TDRD12: variants seen among roughly 807,000 people sequenced by gnomAD.
TDRD12 encodes the protein putative ATP-dependent RNA helicase TDRD12.
Under a neutral mutation model 133.5 loss-of-function variants are expected in TDRD12, and 158 were observed. The observed-to-expected ratio is 1.18, with a 90% CI of 1.04 to 1.35. The LOEUF (loss-of-function observed/expected upper bound fraction) is 1.35. Ranked by LOEUF, TDRD12 falls within the 40% of genes most tolerant of loss-of-function variation. TDRD12 has a pLI of 0.00. For missense variants in TDRD12, 1,443 were observed against 1,321.3 expected (o/e 1.09, Z -1.43); for synonymous variants, 460 against 477.9 (o/e 0.96, Z 0.49).
chr19:32,722,219 T>A (rs1968706027), intron 1 of TDRD12, among the ~76,000 whole-genome samples: 1 of 152,202 alleles, frequency 6.6e-6, no homozygotes, highest in Non-Finnish European at 1.5e-5. Context: ...GTCCGATTTC[T>A]TCTTTAGAAG....
chr19:32,790,760 G>T, intron 12 of TDRD12, 169 bp downstream of exon 12: 1 of 1,515,970 alleles, frequency 6.6e-7, no homozygotes. Context: ...TGTTGCTTCT[G>T]AGAAATTGTT....
chr19:32,779,703 G>T (rs145234739), intron 11 of TDRD12, among the ~76,000 whole-genome samples: 16 of 152,284 alleles, frequency 1.1e-4, no homozygotes, highest in Non-Finnish European at 2.4e-4. Context: ...CGCCCAGCCC[G>T]TGGAAATATG....
At chr19:32,806,865 T>C (rs1159999756) in intron 21 of TDRD12, among the ~76,000 whole-genome samples, 1 of 152,018 alleles carries the variant, frequency 6.6e-6, no homozygotes, top group Non-Finnish European at 1.5e-5. Context: ...TTTCACCATG[T>C]TGGCCAGGCT....
chr19:32,774,319 T>A (rs558398768), intron 10 of TDRD12, among the ~76,000 whole-genome samples: 1 of 152,320 alleles, frequency 6.6e-6, no homozygotes, highest in Non-Finnish European at 1.5e-5. Context: ...AAATATCTTC[T>A]CTCTTTACCT....
Position 32,802,937 on chromosome 19 carries a change from C to T in TDRD12, c.2347C>T (p.Gln783Ter). The T allele has an allele frequency of 6.5e-7, 1 of 1,535,586 alleles. No homozygotes were observed. Among genetic ancestry groups the T allele is most frequent in the Non-Finnish European group, 8.7e-7 (1 of 1,146,628 alleles). Residue 783 changes from glutamine to a stop codon, truncating the protein, a stop_gained, in exon 21 of 28, where the codon CAG (glutamine) becomes TAG (stop). Transcript: ENST00000444215. LOFTEE classifies it high-confidence loss of function. ...CAATTTTCAGGGTTCTCCTGCAGAA[C>T]AGGGAGATAAGAAAGCCAAATCTGT...
intron 4 of TDRD12, among the ~76,000 whole-genome samples, chr19:32,743,587 G>A (rs1307531091): frequency 6.6e-6 from 1 of 151,984 alleles, no homozygotes; most frequent in Non-Finnish European, 1.5e-5. Flanking sequence ...ATTTTCTCCA[G>A]GCCCACATCT....
At chr19:32,733,338 C>T (rs1350179360) in intron 2 of TDRD12, among the ~76,000 whole-genome samples, 1 of 151,992 alleles carries the variant, frequency 6.6e-6, no homozygotes, top group Non-Finnish European at 1.5e-5. Context: ...GGCGTGGTGG[C>T]AGGCACCTGT....
Position 32,801,759 on chromosome 19 carries a change from G to T in TDRD12, c.2083G>T (p.Val695Leu). Residue 695 changes from valine to leucine, a missense_variant, in exon 19 of 28, where the codon GTA (valine) becomes TTA (leucine). By Grantham distance (32) the Val-to-Leu change is conservative. Coordinates refer to ENST00000444215, the Ensembl canonical transcript of TDRD12. ...GCCTCTTTGATTTCATCTTTAGGTA[G>T]TAGAAAGCAGTTCAATATTTTGCTT... 2.3e-6 allele frequency: 3 copies of T among 1,319,974 alleles called. No homozygotes were observed. In the South Asian group the frequency reaches 4.1e-5, roughly 18 times the overall value. The allele number at this position is 1,319,974 out of a possible 1,614,324, so 81.8% of individuals were successfully genotyped here.
chr19:32,725,249 A>G (rs1242963620), intron 1 of TDRD12, among the ~76,000 whole-genome samples: 1 of 151,382 alleles, frequency 6.6e-6, no homozygotes, highest in African/African-American at 2.4e-5. Flanking sequence ...TTTTGTTGCA[A>G]TTGCTTTTGA....
intron 11 of TDRD12, among the ~76,000 whole-genome samples, chr19:32,777,658 G>A (rs1051232691): frequency 2.0e-5 from 3 of 150,496 alleles, no homozygotes; most frequent in East Asian, 3.9e-4. Flanking sequence ...AGCAATTTTC[G>A]TTTTGAGACA....
chr19:32,824,772 C>T (rs1967530887), downstream of TDRD12, among the ~76,000 whole-genome samples: 1 of 151,740 alleles, frequency 6.6e-6, no homozygotes, highest in South Asian at 2.1e-4. Context: ...CCAGCTTGCT[C>T]TCCCTTTTAG....
chr19:32,768,401 C>G (rs201318558), intron 8 of TDRD12, among the ~76,000 whole-genome samples: 1 of 90,230 alleles, frequency 1.1e-5, no homozygotes, highest in South Asian at 3.6e-4. Flanking sequence ...TTTTTTTTTT[C>G]TTTTCAGAGA....
chr19:32,793,384 C>T (rs891053518), intron 13 of TDRD12, among the ~76,000 whole-genome samples: 1 of 152,030 alleles, frequency 6.6e-6, no homozygotes, highest in South Asian at 2.1e-4. Context: ...AGAAGTAACC[C>T]GAGAAAGATG....
At chr19:32,732,943 AAAG>A (rs1969104175) in intron 2 of TDRD12, among the ~76,000 whole-genome samples, 2 of 150,502 alleles carry the variant, frequency 1.3e-5, no homozygotes, top group Admixed American at 6.6e-5. Flanking sequence ...GAGGCCAAGG[AAAG>A]AAGATTGCTT....
intron 1 of TDRD12, among the ~76,000 whole-genome samples, chr19:32,722,390 C>T (rs906313936): frequency 6.6e-6 from 1 of 152,092 alleles, no homozygotes; most frequent in Non-Finnish European, 1.5e-5. Flanking sequence ...CTGATCTGCC[C>T]CCACTTCTGG....
At chr19:32,803,048 C>G in exon 21 of TDRD12, 3 of 1,536,134 alleles carry the variant, frequency 2.0e-6, no homozygotes, top group Non-Finnish European at 2.6e-6. Context: ...CCCCGCAGAG[C>G]TGTACGAGTT....
exon 17 of TDRD12, chr19:32,800,250 A>G: frequency 6.5e-7 from 1 of 1,535,098 alleles, no homozygotes; most frequent in Non-Finnish European, 8.7e-7. Flanking sequence ...TTGCAGTTGG[A>G]GTTCATTGGA....
At chr19:32,778,937 G>A (rs1160136950) in intron 11 of TDRD12, among the ~76,000 whole-genome samples, 1 of 152,204 alleles carries the variant, frequency 6.6e-6, no homozygotes, top group Admixed American at 6.5e-5. Flanking sequence ...GTGGGTTTCA[G>A]GGAACTTTGA....
intron 6 of TDRD12, among the ~76,000 whole-genome samples, chr19:32,751,969 G>A (rs1969842922): frequency 6.6e-6 from 1 of 152,040 alleles, no homozygotes; most frequent in African/African-American, 2.4e-5. Flanking sequence ...TTCTTCCCGG[G>A]TTCAAGTGAT....
Sources: allele counts gnomAD v4.1 joint callset (sites outside exome capture counted in the v4.1 genomes callset), GRCh38; gene constraint gnomAD v4.1.1; transcripts MANE v1.5; gene names NCBI Gene and HGNC (gene_info 2026-07-23, HGNC 2026-07-21).